CFAP410: variants seen among roughly 807,000 people sequenced by gnomAD.
CFAP410 encodes the protein cilia and flagella associated protein 410, also known as cilia- and flagella-associated protein 410.
In CFAP410, 27 loss-of-function variants were observed where a neutral mutation model predicts 25.7. The ratio of observed to expected loss-of-function variants is 1.05; its 90% CI spans 0.77 to 1.45. The LOEUF (loss-of-function observed/expected upper bound fraction) is 1.45. CFAP410 is among the 40% of genes most tolerant of loss of function. The pLI, the probability that CFAP410 is intolerant of heterozygous loss-of-function variation, is 0.00. For synonymous variants in CFAP410, 178 were observed against 158.4 expected, an observed-to-expected ratio of 1.12 and a Z score of -0.93; for missense variants, 428 against 354.1, an observed-to-expected ratio of 1.21 and a Z score of -1.67.
chr21:44,333,228 G>C lies in CFAP410; in HGVS notation c.178C>G (p.Arg60Gly), dbSNP rs200049699. The C allele has an allele frequency of 1.5e-5, 24 of 1,612,520 alleles. No individual in the cohort carries two copies. The highest frequency in any genetic ancestry group is 1.3e-4 in the Admixed American group (8 of 59,968). The change falls in exon 4 of 7, where the codon CGG becomes GGG. Residue 60 changes from arginine to glycine, a missense_variant. Transcript: ENST00000339818. ...NSISTLEPVSRCQRLSELYLR... is the reference protein window; with the variant it reads ...NSISTLEPVSGCQRLSELYLR... ...TACAGCTCACTCAGGCGCTGGCACC[G>C]GCTCACAGGCTCCAGGGTGGAGATG...
Position 44,330,306 on chromosome 21 carries a change from C to T in CFAP410, c.663G>A (p.Leu221=). Residue 221 remains leucine, a synonymous_variant, in exon 7 of 7, where the codon CTG becomes CTA. Transcript: ENST00000339818. ...HRGRNVLTAI[L]LLLRELDAEG... ...CTGCATCCAGCTCCCGCAGCAGCAG[C>T]AGGATGGCAGTCAGGACGTTCTGAG... The T allele has an allele frequency of 6.2e-7, 1 of 1,610,658 alleles. No homozygotes were observed. The highest frequency in any genetic ancestry group is 8.5e-7 in the Non-Finnish European group (1 of 1,178,942).
chr21:44,339,143 GCAGCTC>G lies in CFAP410; in HGVS notation c.46_51del (p.Glu16_Leu17del). On this transcript the variant is annotated inframe_deletion, in exon 1 of 7. Coordinates refer to ENST00000339818, the MANE Select transcript of CFAP410 (RefSeq NM_004928.3). The stretch of plus-strand genomic sequence containing the variant: ...CAGCAGTTGAGCTTGCGCACGCTGT[GCAGCTC>G]CGAGGCCTTGGCCCGGGTCAGAACC... 1.4e-6 allele frequency: 2 copies of G among 1,471,786 alleles called. No individual in the cohort carries two copies. The highest frequency in any genetic ancestry group is 2.6e-5 in the South Asian group (2 of 76,160). 91.2% of individuals were successfully genotyped at this position (1,471,786 alleles called of 1,614,324 possible). A position where few individuals can be genotyped will look rare whatever the true frequency, so the allele number is the denominator to read the frequency against.
chr21:44,329,634 C>G lies in CFAP410; in HGVS notation c.*564G>C, dbSNP rs2047603490. 6.5e-6 allele frequency: 1 copy of G among 152,830 alleles called. No homozygotes were observed. Among genetic ancestry groups the G allele is most frequent in the Non-Finnish European group, 1.5e-5 (1 of 68,524 alleles). 9.5% of individuals were successfully genotyped at this position (152,830 alleles called of 1,614,324 possible). On this transcript the variant is annotated 3_prime_UTR_variant, in exon 7 of 7. Coordinates refer to ENST00000339818, the MANE Select transcript of CFAP410 (RefSeq NM_004928.3). ...GGAGAGAGAAAGGAAGGCGCACCTG[C>G]CCAGCCCGGCCAAGAAAACAAAACT... is the stretch of plus-strand genomic sequence containing the variant.
chr21:44,330,400 G>C, intron 6 of CFAP410, 74 bp from the exon 7 acceptor site: 1 of 1,571,470 alleles, frequency 6.4e-7, no homozygotes, highest in Non-Finnish European at 8.7e-7. Context: ...GCTGGGGCCT[G>C]GCCAGCGGTG....
At chr21:44,338,403 G>T in intron 1 of CFAP410, 1 of 946,260 alleles carries the variant, frequency 1.1e-6, no homozygotes, top group Non-Finnish European at 1.5e-6. Flanking sequence ...GGAAGCTCCT[G>T]GTCTTCCTTG....
At position 44,332,007 on chromosome 21, in the gene CFAP410, C is replaced by T. The variant is rs145523761; in HGVS notation, c.381G>A (p.Thr127=). 2.3e-4 allele frequency: 375 copies of T among 1,599,152 alleles called. 2 individuals carry two copies. The African/African-American group carries it at 3.5e-3, about 15-fold the overall frequency. ...RLQKLDNQAV[T]EEELSRALSE... ...TCAGTGCACGGGACAGCTCCTCCTC[C>T]GTCACAGCTTTGGGATGAAAGACAG... Residue 127 remains threonine, a synonymous_variant, in exon 5 of 7, where the codon ACG becomes ACA. Transcript: ENST00000339818.
intron 2 of CFAP410, among the ~76,000 whole-genome samples, chr21:44,336,522 C>CA (rs1344653653): frequency 6.6e-6 from 1 of 152,188 alleles, no homozygotes; most frequent in Non-Finnish European, 1.5e-5. Flanking sequence ...GGGTGGTCCA[C>CA]AAAGCCTCAC....
intron 6 of CFAP410, 100 bp from the exon 7 acceptor site, chr21:44,330,426 A>G: frequency 6.4e-7 from 1 of 1,553,952 alleles, no homozygotes. Context: ...CCACGGAGCG[A>G]CTGGTCCCGG....
chr21:44,332,748 A>T, intron 4 of CFAP410: 1 of 505,542 alleles, frequency 2.0e-6, no homozygotes, highest in East Asian at 3.1e-5. Context: ...TCACAGAAGC[A>T]AAAGAAGGAA....
At position 44,330,127 on chromosome 21, in the gene CFAP410, C is replaced by G. The variant is rs1235468109; in HGVS notation, c.*71G>C. On this transcript the variant is annotated 3_prime_UTR_variant, in exon 7 of 7. Transcript: ENST00000339818. ...CGGGGCTGCGGCCATGGCAGCCACC[C>G]TCCAGCTCCCGGGGGCTGGGGAAGA... 6.7e-7 allele frequency: 1 copy of G among 1,498,224 alleles called. No homozygotes were observed. Among genetic ancestry groups the G allele is most frequent in the Non-Finnish European group, 8.9e-7 (1 of 1,119,450 alleles). The allele number at this position is 1,498,224 out of a possible 1,614,324, so 92.8% of individuals were successfully genotyped here. A position where few individuals can be genotyped will look rare whatever the true frequency, so the allele number is the denominator to read the frequency against.
chr21:44,331,524 C>T (rs1314387581), intron 5 of CFAP410: 6 of 381,228 alleles, frequency 1.6e-5, no homozygotes, highest in Non-Finnish European at 2.4e-5. Flanking sequence ...TAGGCCACCC[C>T]CCCCACCAGG....
At chr21:44,330,671 C>A (rs1348073766) in intron 6 of CFAP410, 152 bp downstream of exon 6, 2 of 1,548,458 alleles carry the variant, frequency 1.3e-6, no homozygotes, top group Non-Finnish European at 1.7e-6. Context: ...GCACACGCAG[C>A]TCCCCCTGGG....
At chr21:44,334,481 C>T (rs1319715071) in intron 3 of CFAP410, 3 of 354,170 alleles carry the variant, frequency 8.5e-6, no homozygotes, top group Non-Finnish European at 1.1e-5. Flanking sequence ...GCGGCAGGCA[C>T]GCGCACCCCC....
chr21:44,337,166 G>A (rs189188047), intron 2 of CFAP410, among the ~76,000 whole-genome samples: 1 of 152,196 alleles, frequency 6.6e-6, no homozygotes, highest in African/African-American at 2.4e-5. Flanking sequence ...AAGACAATGA[G>A]GGAGAGAAGA....
chr21:44,336,011 C>CCACGAGTATGCCAGGTTCCCCTCTGA (rs2047747062), intron 2 of CFAP410, among the ~76,000 whole-genome samples: 1 of 118,230 alleles, frequency 8.5e-6, no homozygotes, highest in Non-Finnish European at 1.9e-5. Context: ...GGGTGAATGC[C>CCACGAGTATGCCAGGTTCCCCTCTGA]CAGGGCCTGA....
At chr21:44,334,528 C>CCCT (rs2047717216) in intron 3 of CFAP410, 1 of 17,370 alleles carries the variant, frequency 5.8e-5, no homozygotes, top group Non-Finnish European at 1.2e-4. Context: ...CCCCCCCCCC[C>CCCT]CCCCCGCTCA....
In CFAP410 at chr21:44,330,263, G is replaced by A. The variant is rs1182081670; in HGVS notation, c.706C>T (p.Gln236Ter). The change falls in exon 7 of 7, where the codon CAG becomes TAG. Residue 236 changes from glutamine to a stop codon, truncating the protein, a stop_gained. Transcript: ENST00000339818. LOFTEE classifies it high-confidence loss of function. Reference protein sequence around the residue: ...ELDAEGLEAVQQTVGSRLQAL... With the variant: ...ELDAEGLEAV ...TGCAGCCGGCTGCCCACAGTCTGCT[G>A]CACGGCCTCCAGCCCCTCTGCATCC... The A allele has an allele frequency of 1.1e-5, 17 of 1,603,182 alleles. No individual in the cohort carries two copies. Among genetic ancestry groups the A allele is most frequent in the Non-Finnish European group, 1.4e-5 (16 of 1,176,656 alleles).
chr21:44,334,673 C>G (rs1016624676), intron 3 of CFAP410: 1 of 260,594 alleles, frequency 3.8e-6, no homozygotes, highest in African/African-American at 2.3e-5. Context: ...GAGGGCCATG[C>G]CTCGCCCAAG....
chr21:44,330,295 C>G lies in CFAP410; in HGVS notation c.674G>C (p.Arg225Pro), dbSNP rs148553252. The G allele has an allele frequency of 2.5e-6, 4 of 1,610,132 alleles. 1 individual carries two copies. In the East Asian group the frequency reaches 8.9e-5, roughly 36 times the overall value. ...CTCCAGCCCCTCTGCATCCAGCTCCCGCAGCAGCAGCAGGATGGCAGTCAG... is the reference window on the plus strand; with the variant it reads ...CTCCAGCCCCTCTGCATCCAGCTCCGGCAGCAGCAGCAGGATGGCAGTCAG... ...NVLTAILLLLRELDAEGLEAV... is the reference protein window; with the variant it reads ...NVLTAILLLLPELDAEGLEAV... Residue 225 changes from arginine (R) to proline (P), a missense_variant, in exon 7 of 7, where the codon CGG (arginine) becomes CCG (proline). Physicochemically the swap from Arg to Pro is moderately radical, Grantham distance 103. Transcript: ENST00000339818.
Sources: gnomAD v4.1 joint callset for allele counts (sites outside exome capture counted in the v4.1 genomes callset) on GRCh38, gnomAD v4.1.1 for gene constraint, MANE v1.5 for transcripts, NCBI Gene and HGNC (gene_info 2026-07-23, HGNC 2026-07-21) for gene names.